Variants in GPC5 observed in about 807,000 individuals in gnomAD.
The protein encoded by GPC5 is glypican-5.
Under a neutral mutation model 53.9 loss-of-function variants are expected in GPC5, and 47 were observed. The ratio of observed to expected loss-of-function variants is 0.87; its 90% CI spans 0.69 to 1.11. The LOEUF is 1.11. Ranked by LOEUF, GPC5 falls within the 50% of genes most tolerant of loss-of-function variation. The pLI is 0.00. For missense variants in GPC5, 748 were observed against 713.1 expected (o/e 1.05, Z -0.56); for synonymous variants, 286 against 263.3 (o/e 1.09, Z -0.84).
chr13:92,691,231 A>G (rs1484434346), intron 7 of GPC5, among the ~76,000 whole-genome samples: 1 of 110,730 alleles, frequency 9.0e-6, no homozygotes, highest in Non-Finnish European at 1.8e-5. Context: ...TCCGTGGGCT[A>G]GGACCCTCTG....
intron 6 of GPC5, among the ~76,000 whole-genome samples, chr13:92,076,195 A>C (rs1594754097): frequency 6.6e-6 from 1 of 151,780 alleles, no homozygotes; most frequent in East Asian, 1.9e-4. Flanking sequence ...CAACCTCCCG[A>C]GTAGCTGGGA....
chr13:91,589,821 C>T (rs1335277642), intron 2 of GPC5, among the ~76,000 whole-genome samples: 1 of 151,996 alleles, frequency 6.6e-6, no homozygotes, highest in Admixed American at 6.6e-5. Flanking sequence ...TGATTAGACT[C>T]AAAGATGTAG....
At chr13:91,934,074 T>A (rs930473369) in intron 6 of GPC5, among the ~76,000 whole-genome samples, 1 of 151,804 alleles carries the variant, frequency 6.6e-6, no homozygotes, top group African/African-American at 2.4e-5. Flanking sequence ...GTCTTAGGAT[T>A]TAAAAGTTAT....
At chr13:92,315,920 A>G (rs982319926) in intron 7 of GPC5, among the ~76,000 whole-genome samples, 4 of 152,314 alleles carry the variant, frequency 2.6e-5, no homozygotes, top group Admixed American at 2.6e-4. Flanking sequence ...ACTTTAAAAG[A>G]CTTGTAAATA....
intron 7 of GPC5, among the ~76,000 whole-genome samples, chr13:92,820,917 C>T (rs929366232): frequency 2.0e-4 from 30 of 152,192 alleles, no homozygotes; most frequent in African/African-American, 6.7e-4. Flanking sequence ...AAAACAGTGA[C>T]GAAACTGCCT....
At chr13:91,980,681 A>G (rs1196734435) in intron 6 of GPC5, among the ~76,000 whole-genome samples, 1 of 152,222 alleles carries the variant, frequency 6.6e-6, no homozygotes, top group Admixed American at 6.5e-5. Context: ...ACAATTAAGT[A>G]TATAGCTACT....
intron 2 of GPC5, among the ~76,000 whole-genome samples, chr13:91,514,133 A>G (rs1390727095): frequency 3.9e-5 from 6 of 152,214 alleles, no homozygotes; most frequent in African/African-American, 1.4e-4. Context: ...TTGCATGAAT[A>G]TAAGCTTTCA....
intron 6 of GPC5, among the ~76,000 whole-genome samples, chr13:92,091,733 A>G (rs1477332193): frequency 6.6e-6 from 1 of 151,770 alleles, no homozygotes; most frequent in Non-Finnish European, 1.5e-5. Context: ...CCAATGCACA[A>G]ATCAATCAAG....
intron 4 of GPC5, among the ~76,000 whole-genome samples, chr13:91,733,648 G>A (rs2036750471): frequency 6.6e-6 from 1 of 152,130 alleles, no homozygotes; most frequent in African/African-American, 2.4e-5. Context: ...TTGAGTTATA[G>A]GAATGCTTGT....
chr13:92,226,700 G>A (rs1353735585), intron 7 of GPC5, among the ~76,000 whole-genome samples: 1 of 151,208 alleles, frequency 6.6e-6, no homozygotes, highest in African/African-American at 2.4e-5. Context: ...CTGGGTTCAA[G>A]CGATTCTCCT....
Position 91,671,983 on chromosome 13 carries a change from G to A in GPC5, c.326-21204G>A, listed in dbSNP as rs372139309. On this transcript the variant is annotated intron_variant, in intron 2 of 7. Coordinates refer to ENST00000377067, the MANE Select transcript of GPC5 (RefSeq NM_004466.6). The stretch of plus-strand genomic sequence containing the variant: ...TCTTCAACAAACCTGACAAAAACAA[G>A]CAATGGGGAAAGGATGTCCTATTCA... Among the ~76,000 whole-genome samples, 7 of 151,934 alleles carry A rather than the reference G, an allele frequency of 4.6e-5. 1 individual carries two copies. Among genetic ancestry groups the A allele is most frequent in the African/African-American group, 1.5e-4 (6 of 41,350 alleles).
intron 4 of GPC5, among the ~76,000 whole-genome samples, chr13:91,751,418 T>C (rs913250710): frequency 2.0e-5 from 3 of 152,232 alleles, no homozygotes; most frequent in African/African-American, 7.2e-5. Flanking sequence ...AATAACATTG[T>C]GTTTCTGTTT....
At chr13:92,766,313 T>C (rs1875402911) in intron 7 of GPC5, among the ~76,000 whole-genome samples, 1 of 145,880 alleles carries the variant, frequency 6.9e-6, no homozygotes, top group Admixed American at 6.8e-5. Flanking sequence ...CACCACTGCA[T>C]GTAGATCTTT....
At chr13:92,752,470 T>C (rs1472488212) in intron 7 of GPC5, among the ~76,000 whole-genome samples, 1 of 152,144 alleles carries the variant, frequency 6.6e-6, no homozygotes, top group Non-Finnish European at 1.5e-5. Context: ...GAATATTTTC[T>C]GGATGGGGGG....
intron 2 of GPC5, among the ~76,000 whole-genome samples, chr13:91,559,606 A>G (rs909239518): frequency 6.6e-6 from 1 of 152,198 alleles, no homozygotes; most frequent in Non-Finnish European, 1.5e-5. Context: ...GAATGTGTAC[A>G]TATACTTGGA....
chr13:92,524,188 T>C (rs779210301), intron 7 of GPC5, among the ~76,000 whole-genome samples: 4 of 152,124 alleles, frequency 2.6e-5, no homozygotes, highest in Non-Finnish European at 5.9e-5. Context: ...CAGAATTTGT[T>C]TCAAAACTTT....
At chr13:92,782,184 A>C (rs952504169) in intron 7 of GPC5, among the ~76,000 whole-genome samples, 1 of 152,020 alleles carries the variant, frequency 6.6e-6, no homozygotes, top group Admixed American at 6.6e-5. Context: ...AATCACCACC[A>C]TTCATCTCCT....
chr13:92,815,594 A>C (rs1877443828), intron 7 of GPC5, among the ~76,000 whole-genome samples: 1 of 151,994 alleles, frequency 6.6e-6, no homozygotes, highest in East Asian at 1.9e-4. Context: ...GGAAAGTTAC[A>C]GGAGTTATAG....
chr13:92,754,922 G>A (rs1291487797), intron 7 of GPC5, among the ~76,000 whole-genome samples: 6 of 150,344 alleles, frequency 4.0e-5, no homozygotes, highest in South Asian at 2.1e-4. Context: ...ACAGATCAAC[G>A]AGACAGAAAG....
Sources: gnomAD v4.1 joint callset for allele counts (sites outside exome capture counted in the v4.1 genomes callset) on GRCh38, gnomAD v4.1.1 for gene constraint, MANE v1.5 for transcripts, NCBI Gene and HGNC (gene_info 2026-07-23, HGNC 2026-07-21) for gene names.